Variants in YPEL2 observed in about 807,000 individuals in gnomAD.
The protein encoded by YPEL2 is protein yippee-like 2.
YPEL2 carries 2 observed loss-of-function variants against 19.1 expected under a neutral mutation model. That is an observed-to-expected ratio of 0.10 (90% CI 0.04 to 0.33). The LOEUF (loss-of-function observed/expected upper bound fraction) is 0.33. Among genes scored for constraint, YPEL2 ranks in the 10% least tolerant of loss-of-function variants. The pLI, the probability that YPEL2 is intolerant of heterozygous loss-of-function variation, is 1.00. For synonymous variants in YPEL2, 52 were observed against 50.0 expected (o/e 1.04, Z -0.17); for missense variants, 66 against 140.7 (o/e 0.47, Z 2.68).
intron 1 of YPEL2, among the ~76,000 whole-genome samples, chr17:59,344,090 C>G (rs2047744578): frequency 6.6e-6 from 1 of 152,156 alleles, no homozygotes. Flanking sequence ...ACAGGAGTCT[C>G]ACTACATTGC....
intron 2 of YPEL2, among the ~76,000 whole-genome samples, chr17:59,370,933 TTTTTTGTTTTTTTG>T (rs2047894146): frequency 6.6e-6 from 1 of 152,038 alleles, no homozygotes; most frequent in African/African-American, 2.4e-5. Context: ...GCAGTGGCCC[TTTTTTGTTTTTTTG>T]TTTTTGTTTT....
chr17:59,353,511 T>G lies in YPEL2; in HGVS notation c.102T>G (p.Asp34Glu). 1.2e-6 allele frequency: 2 copies of G among 1,613,974 alleles called. No individual in the cohort carries two copies. The highest frequency in any genetic ancestry group is 1.7e-6 in the Non-Finnish European group (2 of 1,179,828). ...IHCRAHLANH[D>E]ELISKSFQGS... Reference sequence around the variant, plus strand: ...GCAGAGCTCACTTGGCCAATCATGATGAACTAATTTCCAAGGTACACATTT... The same window carrying G: ...GCAGAGCTCACTTGGCCAATCATGAGGAACTAATTTCCAAGGTACACATTT... Residue 34 changes from aspartate to glutamate, a missense_variant, in exon 2 of 5, where the codon GAT becomes GAG. Transcript: ENST00000312655. This position sits in a 1 kb window ranked among gnomAD's most constrained non-coding sequence, Gnocchi z 4.8.
rs1417884336 is a variant in YPEL2 at position 59,362,613 on chromosome 17, C to A, written c.117+9087C>A. On this transcript the variant is annotated intron_variant, in intron 2 of 4. Coordinates refer to ENST00000312655, the MANE Select transcript of YPEL2 (RefSeq NM_001005404.4). ...ATGAGGCGTACCCTGAAAATTAACT[C>A]TGTGGTTTGCAGATGCCTTTAAGGT... The A allele has an allele frequency of 2.0e-5, 3 of 152,236 alleles. No homozygotes were observed. The East Asian group carries it at 5.8e-4, about 29-fold the overall frequency. 9.4% of individuals were successfully genotyped at this position (152,236 alleles called of 1,614,324 possible). A position where few individuals can be genotyped will look rare whatever the true frequency, so the allele number is the denominator to read the frequency against.
intron 2 of YPEL2, among the ~76,000 whole-genome samples, chr17:59,379,517 C>T (rs1052371012): frequency 1.6e-4 from 25 of 152,262 alleles, no homozygotes; most frequent in Admixed American, 1.2e-3. Context: ...CTCACTGAGA[C>T]GCCTAAAAGG....
chr17:59,377,565 C>A (rs929665760), intron 2 of YPEL2, among the ~76,000 whole-genome samples: 4 of 152,198 alleles, frequency 2.6e-5, no homozygotes, highest in Non-Finnish European at 5.9e-5. Context: ...TGCCTCACTC[C>A]CTCTCTGCAG....
At chr17:59,343,046 G>A (rs553578870) in intron 1 of YPEL2, among the ~76,000 whole-genome samples, 1 of 152,186 alleles carries the variant, frequency 6.6e-6, no homozygotes, top group African/African-American at 2.4e-5. Flanking sequence ...TCAGAGGCTT[G>A]TGTGGTGTGG....
intron 2 of YPEL2, among the ~76,000 whole-genome samples, chr17:59,376,248 C>G (rs1734805660): frequency 1.3e-5 from 2 of 152,098 alleles, no homozygotes; most frequent in South Asian, 4.2e-4. Context: ...GAGATGGAGT[C>G]TCTCTCTGTC....
chr17:59,357,563 C>G (rs1038183466), intron 2 of YPEL2, among the ~76,000 whole-genome samples: 1 of 152,086 alleles, frequency 6.6e-6, no homozygotes, highest in Non-Finnish European at 1.5e-5. Context: ...TGTTTCTTCC[C>G]TAATGGTACA....
At chr17:59,335,952 C>T (rs1225015275) in intron 1 of YPEL2, among the ~76,000 whole-genome samples, 1 of 151,890 alleles carries the variant, frequency 6.6e-6, no homozygotes, top group Non-Finnish European at 1.5e-5. Context: ...GCCCCTCAGC[C>T]TCTCTTAATC....
intron 2 of YPEL2, chr17:59,365,991 A>C (rs2047866822): frequency 6.6e-6 from 1 of 152,294 alleles, no homozygotes; most frequent in East Asian, 1.9e-4. Context: ...TGAAGGGGTA[A>C]ATTATGATCA....
rs1258179905 is a variant in YPEL2 at position 59,353,738 on chromosome 17, A to T, written c.117+212A>T. 1 of 540,542 alleles carries T rather than the reference A, an allele frequency of 1.9e-6. No homozygotes were observed. Among genetic ancestry groups the T allele is most frequent in the Non-Finnish European group, 3.5e-6 (1 of 288,288 alleles). 33.5% of individuals were successfully genotyped at this position (540,542 alleles called of 1,614,324 possible). On this transcript the variant is annotated intron_variant, in intron 2 of 4. Coordinates refer to ENST00000312655, the MANE Select transcript of YPEL2 (RefSeq NM_001005404.4). The surrounding 1 kb of genome is among the most constrained non-coding windows in gnomAD (Gnocchi z 4.8). ...TTTGTTATTTTGGAAATGAGGTGTC[A>T]TCCTTGTTGGAGGCTTTGGGAGCTG...
chr17:59,374,084 A>G (rs1232113658), intron 2 of YPEL2, among the ~76,000 whole-genome samples: 1 of 152,192 alleles, frequency 6.6e-6, no homozygotes, highest in African/African-American at 2.4e-5. Context: ...CAATCCCTTC[A>G]TTTCACAGAT....
At chr17:59,342,260 C>T (rs1323181062) in intron 1 of YPEL2, among the ~76,000 whole-genome samples, 1 of 150,876 alleles carries the variant, frequency 6.6e-6, no homozygotes, top group East Asian at 1.9e-4. Context: ...AAATCAAGGT[C>T]ACACAGTGCC....
Position 59,389,452 on chromosome 17 carries a change from C to G in YPEL2, c.254C>G (p.Thr85Ser). The G allele has an allele frequency of 6.2e-7, 1 of 1,613,734 alleles. No individual in the cohort carries two copies. Residue 85 changes from threonine (T) to serine (S), a missense_variant, in exon 4 of 5, where the codon ACT (threonine) becomes AGT (serine). Transcript: ENST00000312655. Reference protein sequence around the residue: ...ADIYCENCKTTLGWKYEHAFE... With the variant: ...ADIYCENCKTSLGWKYEHAFE... ...ATTTACTGTGAAAACTGCAAAACCA[C>G]TCTGGGCTGGAAATACGTAAGTATA...
intron 2 of YPEL2, among the ~76,000 whole-genome samples, chr17:59,370,425 TAGC>T (rs1598042206): frequency 1.3e-5 from 2 of 152,314 alleles, no homozygotes; most frequent in South Asian, 2.1e-4. Flanking sequence ...ACAAATGAAA[TAGC>T]AGCAAAACGG....
chr17:59,395,340 A>G (rs568675073), intron 4 of YPEL2, among the ~76,000 whole-genome samples: 1 of 152,148 alleles, frequency 6.6e-6, no homozygotes, highest in African/African-American at 2.4e-5. Flanking sequence ...CAGTTGATAC[A>G]ACGGTGACCC....
rs565369430 is a variant in YPEL2, at chr17:59,362,852, G to C, written c.117+9326G>C. The stretch of plus-strand genomic sequence containing the variant: ...GAATGGTAAATCTGCACCATTGCTA[G>C]CTTGGCTGTTTGCGTTTGGGGGCTG... On this transcript the variant is annotated intron_variant, in intron 2 of 4. Transcript: ENST00000312655. The C allele has an allele frequency of 2.0e-5, 3 of 152,382 alleles. No homozygotes were observed. The East Asian group carries it at 5.8e-4, about 29-fold the overall frequency. 9.4% of individuals were successfully genotyped at this position (152,382 alleles called of 1,614,324 possible). A position where few individuals can be genotyped will look rare whatever the true frequency, so the allele number is the denominator to read the frequency against.
chr17:59,379,664 A>C (rs1025248854), intron 2 of YPEL2, among the ~76,000 whole-genome samples: 17 of 152,138 alleles, frequency 1.1e-4, no homozygotes, highest in African/African-American at 4.1e-4. Context: ...AATGTTCTGG[A>C]AATAGTGGTG....
chr17:59,341,018 T>C (rs1441135061), intron 1 of YPEL2, among the ~76,000 whole-genome samples: 1 of 148,300 alleles, frequency 6.7e-6, no homozygotes, highest in African/African-American at 2.5e-5. Context: ...CCCGGCTGTT[T>C]TGCGGAACTT....
Sources: gnomAD v4.1 joint callset for allele counts (sites outside exome capture counted in the v4.1 genomes callset) on GRCh38, gnomAD v4.1.1 for gene constraint, Gnocchi (gnomAD v3.1) non-coding constraint, MANE v1.5 for transcripts, NCBI Gene and HGNC (gene_info 2026-07-23, HGNC 2026-07-21) for gene names.